NTM: variants seen among roughly 807,000 people sequenced by gnomAD.
NTM encodes the protein IgLON family member 2.
Under a neutral mutation model 42.1 loss-of-function variants are expected in NTM, and 13 were observed. The ratio of observed to expected loss-of-function variants is 0.31; its 90% CI spans 0.20 to 0.49. NTM has a LOEUF of 0.49. Among genes scored for constraint, NTM ranks in the 20% least tolerant of loss-of-function variants. The pLI is 0.99. For missense variants in NTM, 373 were observed against 452.8 expected (o/e 0.82, Z 1.60); for synonymous variants, 187 against 179.2 (o/e 1.04, Z -0.35).
intron 1 of NTM, among the ~76,000 whole-genome samples, chr11:131,631,280 T>C (rs370880553): frequency 7.0e-4 from 106 of 152,228 alleles, no homozygotes; most frequent in African/African-American, 2.4e-3. Flanking sequence ...AACTGCAGTG[T>C]GTGTGTATGT....
intron 1 of NTM, among the ~76,000 whole-genome samples, chr11:131,725,955 C>T (rs2078917502): frequency 6.6e-6 from 1 of 152,112 alleles, no homozygotes; most frequent in Admixed American, 6.6e-5. Context: ...ACTAACCAGT[C>T]TCTGGGGATG....
chr11:132,302,330 C>G (rs1211863334), intron 4 of NTM, among the ~76,000 whole-genome samples: 1 of 152,168 alleles, frequency 6.6e-6, no homozygotes, highest in African/African-American at 2.4e-5. Context: ...GGCCCCAAAA[C>G]TAAATATAAA....
intron 1 of NTM, among the ~76,000 whole-genome samples, chr11:131,706,228 G>C (rs2076575898): frequency 1.3e-5 from 2 of 151,646 alleles, no homozygotes; most frequent in Admixed American, 1.3e-4. Context: ...AAAATTGTCA[G>C]AAGAGACCAA....
chr11:131,903,207 T>G (rs1592705122), intron 1 of NTM, among the ~76,000 whole-genome samples: 1 of 152,324 alleles, frequency 6.6e-6, no homozygotes, highest in Non-Finnish European at 1.5e-5. Flanking sequence ...CTAAAACTCT[T>G]CTAACCCGGA....
chr11:132,192,486 G>C, intron 3 of NTM, among the ~76,000 whole-genome samples: 1 of 152,172 alleles, frequency 6.6e-6, no homozygotes, highest in Non-Finnish European at 1.5e-5. Context: ...TTACCACCAG[G>C]CCTACTTCAC....
Position 131,851,532 on chromosome 11 carries a change from C to CGCGCGTGTGTGTGT in NTM, c.83-60031_83-60030insCGCGTGTGTGTGTG, listed in dbSNP as rs147213224. Among the ~76,000 whole-genome samples, 5 of 146,804 alleles carry CGCGCGTGTGTGTGT rather than the reference C, an allele frequency of 3.4e-5. 1 individual carries two copies. Among genetic ancestry groups the CGCGCGTGTGTGTGT allele is most frequent in the African/African-American group, 5.1e-5 (2 of 39,536 alleles). ...ACATCACATGCCCTGGTGAGAATGGCGTGTGTGTGTGTGTGTGTGTGTGTG... is the reference window on the plus strand; with the variant it reads ...ACATCACATGCCCTGGTGAGAATGGCGCGCGTGTGTGTGTGTGTGTGTGTGTGTGTGTGTGTGTG... On this transcript the variant is annotated intron_variant, in intron 1 of 8. Coordinates refer to ENST00000683400, the MANE Select transcript of NTM (RefSeq NM_001352005.2).
rs758163633 is a variant in NTM at position 132,314,644 on chromosome 11, A to T, written c.875A>T (p.Asn292Ile). ...FFNVSEHDYG[N>I]YTCVASNKLG... ...AATGTCTCTGAACATGACTATGGGA[A>T]CTACACTTGCGTGGCCTCCAACAAG... Residue 292 changes from asparagine (N) to isoleucine (I), a missense_variant, in exon 7 of 9, where the codon AAC becomes ATC. Asn to Ile is a moderately radical substitution (Grantham distance 149). Transcript: ENST00000683400. 1 of 1,613,936 alleles carries T rather than the reference A, an allele frequency of 6.2e-7. No individual in the cohort carries two copies. The highest frequency in any genetic ancestry group is 1.1e-5 in the South Asian group (1 of 90,988).
intron 1 of NTM, among the ~76,000 whole-genome samples, chr11:131,816,314 A>G (rs777694310): frequency 2.0e-5 from 3 of 152,168 alleles, no homozygotes; most frequent in Non-Finnish European, 4.4e-5. Context: ...TGGGAGTACA[A>G]TGTCCATGCC....
At chr11:132,191,651 T>C (rs2079346826) in intron 3 of NTM, among the ~76,000 whole-genome samples, 1 of 152,180 alleles carries the variant, frequency 6.6e-6, no homozygotes, top group Admixed American at 6.5e-5. Context: ...TCACACTAGC[T>C]ACCCAGCAAT....
At chr11:131,779,510 G>T (rs2087672076) in intron 1 of NTM, among the ~76,000 whole-genome samples, 1 of 152,114 alleles carries the variant, frequency 6.6e-6, no homozygotes, top group Non-Finnish European at 1.5e-5. Context: ...TGCCACCAAT[G>T]ATATAACATA....
At chr11:131,593,328 A>G (rs1229536447) in intron 1 of NTM, among the ~76,000 whole-genome samples, 2 of 152,158 alleles carry the variant, frequency 1.3e-5, no homozygotes, top group Non-Finnish European at 1.5e-5. Flanking sequence ...TTGTCTTTCA[A>G]CAAGTGAGGG....
Position 131,989,499 on chromosome 11 carries a change from A to G in NTM, c.167+77851A>G, listed in dbSNP as rs971081503. On this transcript the variant is annotated intron_variant, in intron 2 of 8. Coordinates refer to ENST00000683400, the MANE Select transcript of NTM (RefSeq NM_001352005.2). Reference sequence around the variant, plus strand: ...AACTCGCGGGATCAGAAAAATGCCAATGTACTAAATGTTAGCCTAATAACT... The same window carrying G: ...AACTCGCGGGATCAGAAAAATGCCAGTGTACTAAATGTTAGCCTAATAACT... Among the ~76,000 whole-genome samples, 6 of 152,182 alleles carry G rather than the reference A, an allele frequency of 3.9e-5. No homozygotes were observed. The East Asian group carries it at 5.8e-4, about 15-fold the overall frequency.
chr11:132,321,412 G>A (rs1333535431), intron 7 of NTM, among the ~76,000 whole-genome samples: 1 of 152,120 alleles, frequency 6.6e-6, no homozygotes, highest in Non-Finnish European at 1.5e-5. Context: ...TGATCAACTG[G>A]AAGAAAGGGT....
chr11:132,059,647 A>G (rs1257668959), intron 2 of NTM, among the ~76,000 whole-genome samples: 1 of 151,942 alleles, frequency 6.6e-6, no homozygotes, highest in Admixed American at 6.6e-5. Context: ...CAAACCAAAC[A>G]TCCAAGTATG....
chr11:131,379,951 C>T (rs1344143319), intron 1 of NTM, among the ~76,000 whole-genome samples: 4 of 152,104 alleles, frequency 2.6e-5, no homozygotes, highest in Admixed American at 6.5e-5. Context: ...CTCCTGATTC[C>T]AAATCCAAGT....
intron 2 of NTM, among the ~76,000 whole-genome samples, chr11:132,131,645 T>A (rs1459261334): frequency 6.6e-6 from 1 of 152,080 alleles, no homozygotes; most frequent in African/African-American, 2.4e-5. Flanking sequence ...AGCTGCAGGA[T>A]CCCAGACCTC....
intron 1 of NTM, among the ~76,000 whole-genome samples, chr11:131,583,931 A>T (rs181873818): frequency 6.6e-6 from 1 of 152,190 alleles, no homozygotes; most frequent in African/African-American, 2.4e-5. Context: ...CACTGTCCCA[A>T]GGATCTGCAG....
intron 1 of NTM, among the ~76,000 whole-genome samples, chr11:131,758,416 C>T (rs1450378297): frequency 2.0e-5 from 3 of 152,066 alleles, no homozygotes; most frequent in Non-Finnish European, 4.4e-5. Flanking sequence ...TTCAAAGCAA[C>T]ATCCCCAAAG....
rs903911805 is a variant in NTM, at chr11:132,213,766, G to A, written c.526+1619G>A. The stretch of plus-strand genomic sequence containing the variant: ...TTTTTTTTTTTTGAGACGGAGTCTC[G>A]CTCTGTCGCCCAGGCTGGAGTGCAG... On this transcript the variant is annotated intron_variant, in intron 4 of 8. Coordinates refer to ENST00000683400, the MANE Select transcript of NTM (RefSeq NM_001352005.2). Among the ~76,000 whole-genome samples, 7 of 97,684 alleles carry A rather than the reference G, an allele frequency of 7.2e-5. 1 individual carries two copies. Among genetic ancestry groups the A allele is most frequent in the Admixed American group, 4.9e-4 (4 of 8,124 alleles). The allele number at this position is 97,684 out of a possible 152,430, so 64.1% of individuals were successfully genotyped here. A position where few individuals can be genotyped will look rare whatever the true frequency, so the allele number is the denominator to read the frequency against.
Sources: gnomAD v4.1 joint callset for allele counts (sites outside exome capture counted in the v4.1 genomes callset) on GRCh38, gnomAD v4.1.1 for gene constraint, MANE v1.5 for transcripts, NCBI Gene and HGNC (gene_info 2026-07-23, HGNC 2026-07-21) for gene names.